CSMD2: variants seen among roughly 807,000 people sequenced by gnomAD.
CSMD2 encodes the protein CUB and sushi domain-containing protein 2.
A neutral mutation model predicts 398.5 loss-of-function variants in CSMD2; 130 were observed. The ratio of observed to expected loss-of-function variants is 0.33; its 90% CI spans 0.28 to 0.38. The LOEUF (loss-of-function observed/expected upper bound fraction) is 0.38, where lower values mean the gene tolerates loss of function less well. Among genes scored for constraint, CSMD2 ranks in the 10% least tolerant of loss-of-function variants. CSMD2 has a pLI of 1.00. For synonymous variants in CSMD2, 1,828 were observed against 1,908.5 expected, an observed-to-expected ratio of 0.96 and a Z score of 1.10; for missense variants, 3,829 against 4,764.9, an observed-to-expected ratio of 0.80 and a Z score of 5.78.
rs1392783154 is a variant in CSMD2 at position 33,714,645 on chromosome 1, G to A, written c.3348C>T (p.Arg1116=). The change falls in exon 21 of 71, where the codon CGC becomes CGT. Residue 1116 remains arginine, a synonymous_variant. Transcript: ENST00000373381. Reference sequence around the variant, plus strand: ...GCCGTCTGCCCCCCAGGCACGTGATGCGGGCGGTGCCCTCCAGACGGTACC... The same window carrying A: ...GCCGTCTGCCCCCCAGGCACGTGATACGGGCGGTGCCCTCCAGACGGTACC... ...FPGYRLEGTA[R]ITCLGGRRRL... is the part of the protein sequence containing the mutation. 6 of 1,613,962 alleles carry A rather than the reference G, an allele frequency of 3.7e-6. No individual in the cohort carries two copies. In the South Asian group the frequency reaches 5.5e-5, roughly 15 times the overall value.
intron 3 of CSMD2, among the ~76,000 whole-genome samples, chr1:34,005,638 T>C (rs374631626): frequency 6.6e-6 from 1 of 152,200 alleles, no homozygotes; most frequent in African/African-American, 2.4e-5. Flanking sequence ...TTTGGTATAG[T>C]GTCTATGACT....
rs1476239534 is a variant in CSMD2, at chr1:34,164,084, C to G, written c.187+827G>C. On this transcript the variant is annotated intron_variant, in intron 1 of 70. Transcript: ENST00000373381. The surrounding 1 kb of genome is among the most constrained non-coding windows in gnomAD (Gnocchi z 6.2). ...GCCCGCGCCGCCGCTGCCGCTGCCG[C>G]AGCCGAGGCGCTCGGCTGCAGCAGG... is the stretch of plus-strand genomic sequence containing the variant. Among the ~76,000 whole-genome samples, 1 of 152,146 alleles carries G rather than the reference C, an allele frequency of 6.6e-6. No homozygotes were observed.
At chr1:33,588,367 T>A (rs1639220610) in intron 44 of CSMD2, among the ~76,000 whole-genome samples, 1 of 143,006 alleles carries the variant, frequency 7.0e-6, no homozygotes, top group Non-Finnish European at 1.5e-5. Flanking sequence ...TCTTTTTTTA[T>A]ATATGCATCT....
chr1:33,648,892 G>C (rs640394), intron 28 of CSMD2, among the ~76,000 whole-genome samples: 13 of 151,734 alleles, frequency 8.6e-5, no homozygotes, highest in Admixed American at 8.5e-4. Flanking sequence ...TTTTTCTTCC[G>C]TTAATAAAGT....
At chr1:34,110,721 C>G (rs1157787504) in intron 1 of CSMD2, among the ~76,000 whole-genome samples, 1 of 152,006 alleles carries the variant, frequency 6.6e-6, no homozygotes, top group African/African-American at 2.4e-5. Context: ...AAGAGGCGAG[C>G]AACATACACG....
chr1:33,532,617 G>A (rs1337622903), intron 64 of CSMD2, among the ~76,000 whole-genome samples: 3 of 152,198 alleles, frequency 2.0e-5, no homozygotes, highest in African/African-American at 4.8e-5. Flanking sequence ...CTCATGCCTA[G>A]CGCAAGCATG....
In CSMD2 at chr1:33,569,516, G is replaced by T. The variant is rs769766433; in HGVS notation, c.7989C>A (p.Pro2663=). ...ACAGTGTTCCGATGCGGTGGCCATT[G>T]GGGGGAATCGGGAGCTCTCCACAGG... is the stretch of plus-strand genomic sequence containing the variant. ...IISCGELPIP[P]NGHRIGTLSV... is the part of the protein sequence containing the mutation. Residue 2663 remains proline (P), a synonymous_variant, in exon 52 of 71, where the codon CCC becomes CCA. Transcript: ENST00000373381. The T allele has an allele frequency of 9.9e-6, 16 of 1,613,970 alleles. No homozygotes were observed. The Admixed American group carries it at 2.5e-4, about 25-fold the overall frequency.
intron 15 of CSMD2, among the ~76,000 whole-genome samples, chr1:33,731,443 TA>T (rs1034957349): frequency 1.3e-5 from 2 of 152,078 alleles, no homozygotes; most frequent in East Asian, 1.9e-4. Context: ...ATATTCTCGC[TA>T]AAAAAATGGA....
chr1:33,663,636 C>A (rs1024756961), intron 25 of CSMD2, among the ~76,000 whole-genome samples: 4 of 152,124 alleles, frequency 2.6e-5, no homozygotes, highest in Admixed American at 1.3e-4. Context: ...ATATGTAGGC[C>A]TGGCTTAGAT....
chr1:33,716,620 CA>C, intron 19 of CSMD2, 119 bp from the exon 20 acceptor site: 1 of 695,978 alleles, frequency 1.4e-6, no homozygotes, highest in East Asian at 2.7e-5. Context: ...TGTATGACTA[CA>C]AGCATGCATT....
chr1:33,828,474 T>C (rs1056506472), intron 6 of CSMD2, among the ~76,000 whole-genome samples: 2 of 152,164 alleles, frequency 1.3e-5, no homozygotes, highest in African/African-American at 4.8e-5. Context: ...CCTGGCCAAG[T>C]GGGAGGTGAA....
At position 33,566,101 on chromosome 1, in the gene CSMD2, A is replaced by G. The variant is rs192247127; in HGVS notation, c.8380+1492T>C. Among the ~76,000 whole-genome samples, 361 of 92,852 alleles carry G rather than the reference A, an allele frequency of 3.9e-3. 2 individuals are homozygous for G. The highest frequency in any genetic ancestry group is 0.015 in the African/African-American group (345 of 23,142). 60.9% of individuals were successfully genotyped at this position (92,852 alleles called of 152,430 possible). A position where few individuals can be genotyped will look rare whatever the true frequency, so the allele number is the denominator to read the frequency against. ...CACATAATCAGAGCTGATGAAGAAG[A>G]AAAAAAAAACAGTGGGAAACAAAGC... On this transcript the variant is annotated intron_variant, in intron 53 of 70. Coordinates refer to ENST00000373381, the MANE Select transcript of CSMD2 (RefSeq NM_001281956.2).
At chr1:34,075,461 G>A (rs548248318) in intron 2 of CSMD2, among the ~76,000 whole-genome samples, 1 of 152,214 alleles carries the variant, frequency 6.6e-6, no homozygotes, top group African/African-American at 2.4e-5. Flanking sequence ...TCCAAAACAG[G>A]TGTCTGACGC....
At chr1:33,930,595 T>C (rs1477285262) in intron 4 of CSMD2, among the ~76,000 whole-genome samples, 1 of 152,168 alleles carries the variant, frequency 6.6e-6, no homozygotes, top group Non-Finnish European at 1.5e-5. Flanking sequence ...CCCCAGTGCA[T>C]ATGAATTCCG....
At chr1:33,709,346 T>C in intron 21 of CSMD2, 88 bp from the exon 22 acceptor site, 16 of 1,217,888 alleles carry the variant, frequency 1.3e-5, no homozygotes, top group Non-Finnish European at 1.6e-5. Flanking sequence ...CTGACAAAGA[T>C]GACAAGTCGT....
At chr1:33,948,749 C>G (rs913761269) in intron 3 of CSMD2, among the ~76,000 whole-genome samples, 1 of 152,202 alleles carries the variant, frequency 6.6e-6, no homozygotes, top group African/African-American at 2.4e-5. Context: ...ATGGGGCCTG[C>G]CTGACACTTG....
chr1:34,091,250 C>T (rs952235221), intron 1 of CSMD2, among the ~76,000 whole-genome samples: 1 of 152,138 alleles, frequency 6.6e-6, no homozygotes, highest in African/African-American at 2.4e-5. Context: ...GTCCCAAGCT[C>T]AGTATTAGGT....
chr1:33,758,460 A>G (rs746841778), intron 13 of CSMD2, among the ~76,000 whole-genome samples: 1 of 152,262 alleles, frequency 6.6e-6, no homozygotes, highest in Non-Finnish European at 1.5e-5. Flanking sequence ...TTTATATAAT[A>G]GCAGCAATAT....
At chr1:33,965,308 C>G (rs575084081) in intron 3 of CSMD2, among the ~76,000 whole-genome samples, 2 of 152,138 alleles carry the variant, frequency 1.3e-5, no homozygotes, top group Admixed American at 6.5e-5. Flanking sequence ...AGGGCCTCAT[C>G]ATTCTTGTCA....
Sources: gnomAD v4.1 joint callset for allele counts (sites outside exome capture counted in the v4.1 genomes callset) on GRCh38, gnomAD v4.1.1 for gene constraint, Gnocchi (gnomAD v3.1) non-coding constraint, MANE v1.5 for transcripts, NCBI Gene and HGNC (gene_info 2026-07-23, HGNC 2026-07-21) for gene names.